The following PCDHGA7 variants were observed in gnomAD, a reference collection of about 807,000 sequenced individuals.
The protein encoded by PCDHGA7 is protocadherin gamma subfamily A, 7.
A neutral mutation model predicts 58.3 loss-of-function variants in PCDHGA7; 44 were observed. That is an observed-to-expected ratio of 0.75 (90% CI 0.59 to 0.97). PCDHGA7 has a LOEUF of 0.97. PCDHGA7 is among the 50% of genes least tolerant of loss of function. PCDHGA7 has a pLI of 0.00. For missense variants in PCDHGA7, 1,266 were observed against 1,188.7 expected (o/e 1.06, Z -0.96); for synonymous variants, 516 against 504.2 (o/e 1.02, Z -0.31).
intron 1 of PCDHGA7, chr5:141,404,513 G>A: frequency 1.2e-6 from 2 of 1,613,786 alleles, no homozygotes; most frequent in Non-Finnish European, 1.7e-6. Context: ...GTGCTCCTTT[G>A]ACTATGAGCA....
At chr5:141,456,197 C>T (rs1353243708) in intron 1 of PCDHGA7, among the ~76,000 whole-genome samples, 1 of 152,090 alleles carries the variant, frequency 6.6e-6, no homozygotes, top group Non-Finnish European at 1.5e-5. Context: ...ATAACTCCTA[C>T]CACATTCCTC....
chr5:141,395,093 C>T (rs1372671941), intron 1 of PCDHGA7: 1 of 1,614,158 alleles, frequency 6.2e-7, no homozygotes, highest in Non-Finnish European at 8.5e-7. Flanking sequence ...TCTCCCTCAC[C>T]GCCGACTCGC....
At chr5:141,421,185 C>T in intron 1 of PCDHGA7, 1 of 1,463,494 alleles carries the variant, frequency 6.8e-7, no homozygotes, top group Non-Finnish European at 9.1e-7. Flanking sequence ...GATTCACAAC[C>T]AACCAGCTCG....
chr5:141,387,207 T>A (rs986621045), intron 1 of PCDHGA7, among the ~76,000 whole-genome samples: 1 of 152,136 alleles, frequency 6.6e-6, no homozygotes, highest in Non-Finnish European at 1.5e-5. Flanking sequence ...TTACTGATAC[T>A]CTCCGGAAAA....
chr5:141,414,377 C>T (rs2095740461), intron 1 of PCDHGA7: 1 of 1,613,760 alleles, frequency 6.2e-7, no homozygotes, highest in South Asian at 1.1e-5. Context: ...TTAGAAAAGT[C>T]CATTGACAGT....
chr5:141,423,138 C>A (rs767107885), intron 1 of PCDHGA7: 3 of 1,613,606 alleles, frequency 1.9e-6, no homozygotes, highest in Non-Finnish European at 2.5e-6. Context: ...TGGACAGAGA[C>A]GCGCTCAAGC....
chr5:141,477,087 C>A lies in PCDHGA7; in HGVS notation c.2425-17720C>A, dbSNP rs748424193. 14 of 1,614,244 alleles carry A rather than the reference C, an allele frequency of 8.7e-6. No individual in the cohort carries two copies. Among genetic ancestry groups the A allele is most frequent in the Non-Finnish European group, 8.5e-7 (1 of 1,180,048 alleles). On this transcript the variant is annotated intron_variant, in intron 1 of 3. Transcript: ENST00000518325. This position sits in a 1 kb window ranked among gnomAD's most constrained non-coding sequence, Gnocchi z 4.9. ...AAACTCCATGAGATTTACATCCAGG[C>A]CAAAGACAAGGGCGCCAATCCCGAA...
intron 1 of PCDHGA7, among the ~76,000 whole-genome samples, chr5:141,436,374 G>C (rs2154557079): frequency 6.6e-6 from 1 of 152,248 alleles, no homozygotes; most frequent in East Asian, 1.9e-4. Context: ...TCCAGTTTAA[G>C]CTGAATAGGC....
chr5:141,389,871 G>C (rs199638280), intron 1 of PCDHGA7: 297 of 1,614,056 alleles, frequency 1.8e-4, no homozygotes, highest in Non-Finnish European at 2.3e-4. Context: ...CCTGGTCTTC[G>C]CCGACAGCTT....
intron 2 of PCDHGA7, among the ~76,000 whole-genome samples, chr5:141,501,032 C>A (rs1370625012): frequency 6.6e-6 from 1 of 151,976 alleles, no homozygotes; most frequent in Non-Finnish European, 1.5e-5. Context: ...CCACGCCCAG[C>A]TAATTTTTGT....
intron 1 of PCDHGA7, chr5:141,404,577 T>C (rs2094542300): frequency 6.2e-7 from 1 of 1,613,954 alleles, no homozygotes; most frequent in South Asian, 1.1e-5. Context: ...AGCCCACCAC[T>C]TAGCAGCAAT....
intron 1 of PCDHGA7, among the ~76,000 whole-genome samples, chr5:141,400,876 T>G (rs1304937244): frequency 6.6e-6 from 1 of 152,230 alleles, no homozygotes; most frequent in East Asian, 1.9e-4. Flanking sequence ...ACCATTAAAT[T>G]TAATGTATGT....
chr5:141,449,475 C>T (rs1351574160), intron 1 of PCDHGA7, among the ~76,000 whole-genome samples: 8 of 150,696 alleles, frequency 5.3e-5, no homozygotes, highest in African/African-American at 1.9e-4. Flanking sequence ...GGCCTGGTAC[C>T]CCATGCCTAA....
At chr5:141,427,984 C>G (rs754620535) in intron 1 of PCDHGA7, 2 of 1,597,494 alleles carry the variant, frequency 1.3e-6, no homozygotes, top group South Asian at 2.2e-5. Flanking sequence ...GCGCTGGGGC[C>G]CGATGGCTCC....
intron 1 of PCDHGA7, among the ~76,000 whole-genome samples, chr5:141,464,286 A>AT (rs1453289283): frequency 6.6e-6 from 1 of 151,420 alleles, no homozygotes; most frequent in African/African-American, 2.4e-5. Flanking sequence ...AAGCAAAAAA[A>AT]AAAACTCCAT....
rs768383792 is a variant in PCDHGA7 at position 141,476,155 on chromosome 5, C to A, written c.2425-18652C>A. 1.2e-6 allele frequency: 2 copies of A among 1,612,382 alleles called. No homozygotes were observed. Among genetic ancestry groups the A allele is most frequent in the Non-Finnish European group, 1.7e-6 (2 of 1,179,764 alleles). On this transcript the variant is annotated intron_variant, in intron 1 of 3. Coordinates refer to ENST00000518325, the MANE Select transcript of PCDHGA7 (RefSeq NM_018920.4). This position sits in a 1 kb window ranked among gnomAD's most constrained non-coding sequence, Gnocchi z 7.6. ...CCTGGAGGAGCGGACTGGTAAGCAC[C>A]GGGAGGGTAGTGGGAGTTTTGCTTC... is the stretch of plus-strand genomic sequence containing the variant.
At chr5:141,393,876 C>A in intron 1 of PCDHGA7, 1 of 1,613,862 alleles carries the variant, frequency 6.2e-7, no homozygotes, top group Non-Finnish European at 8.5e-7. Context: ...TTTGTTTAGC[C>A]CAGTGTTAGA....
chr5:141,399,590 T>G, intron 1 of PCDHGA7: 1 of 1,613,972 alleles, frequency 6.2e-7, no homozygotes, highest in East Asian at 2.2e-5. Context: ...TACTCTATCA[T>G]GGCCAGCGAC....
At chr5:141,389,315 G>A (rs1257183989) in intron 1 of PCDHGA7, 2 of 1,613,866 alleles carry the variant, frequency 1.2e-6, no homozygotes, top group African/African-American at 1.3e-5. Flanking sequence ...CTTCTGATCC[G>A]GACTTGGGGC....
Sources: gnomAD v4.1 joint callset for allele counts (sites outside exome capture counted in the v4.1 genomes callset) on GRCh38, gnomAD v4.1.1 for gene constraint, Gnocchi (gnomAD v3.1) non-coding constraint, MANE v1.5 for transcripts, NCBI Gene and HGNC (gene_info 2026-07-23, HGNC 2026-07-21) for gene names.